ARHGAP15: variants seen among roughly 807,000 people sequenced by gnomAD.
ARHGAP15 encodes the protein Rho GTPase activating protein 15.
In ARHGAP15, 51 loss-of-function variants were observed where a neutral mutation model predicts 63.7. That is an observed-to-expected ratio of 0.80 (90% CI 0.64 to 1.01). The LOEUF (loss-of-function observed/expected upper bound fraction) is 1.01. Ranked by LOEUF, ARHGAP15 falls within the 50% of genes least tolerant of loss-of-function variation. ARHGAP15 has a pLI of 0.00. For missense variants in ARHGAP15, 560 were observed against 564.6 expected, an observed-to-expected ratio of 0.99 and a Z score of 0.08; for synonymous variants, 191 against 193.8, an observed-to-expected ratio of 0.99 and a Z score of 0.12.
intron 11 of ARHGAP15, among the ~76,000 whole-genome samples, chr2:143,576,286 G>T (rs541166376): frequency 1.3e-5 from 2 of 152,124 alleles, no homozygotes; most frequent in South Asian, 4.2e-4. Context: ...ATTGGCTGAG[G>T]CAGGAAAGAC....
intron 6 of ARHGAP15, among the ~76,000 whole-genome samples, chr2:143,408,175 G>A (rs1013420278): frequency 5.4e-5 from 8 of 149,094 alleles, no homozygotes; most frequent in African/African-American, 2.0e-4. Flanking sequence ...TATTTAATCT[G>A]AAGAAAGTTG....
At chr2:143,619,283 A>T (rs1213730904) in intron 11 of ARHGAP15, among the ~76,000 whole-genome samples, 1 of 152,190 alleles carries the variant, frequency 6.6e-6, no homozygotes, top group Non-Finnish European at 1.5e-5. Flanking sequence ...TGATATAAAT[A>T]AGTTTTTACT....
At chr2:143,563,056 TG>T (rs1696092492) in intron 11 of ARHGAP15, among the ~76,000 whole-genome samples, 1 of 152,212 alleles carries the variant, frequency 6.6e-6, no homozygotes, top group Non-Finnish European at 1.5e-5. Context: ...AGGCATCTAA[TG>T]GGGAAAAGCA....
chr2:143,755,056 T>G (rs917436802), intron 13 of ARHGAP15, among the ~76,000 whole-genome samples: 5 of 152,174 alleles, frequency 3.3e-5, no homozygotes, highest in African/African-American at 1.2e-4. Context: ...TATCTCATCT[T>G]ATCCCCAGAT....
intron 1 of ARHGAP15, among the ~76,000 whole-genome samples, chr2:143,146,470 G>A (rs2104996174): frequency 6.6e-6 from 1 of 152,086 alleles, no homozygotes; most frequent in African/African-American, 2.4e-5. Context: ...GCTTTAGTGG[G>A]GTGAGGTGGG....
chr2:143,617,902 G>A (rs1285432379), intron 11 of ARHGAP15, among the ~76,000 whole-genome samples: 2 of 152,282 alleles, frequency 1.3e-5, no homozygotes, highest in Non-Finnish European at 2.9e-5. Flanking sequence ...AAAACACAAG[G>A]CCCAGTATGT....
chr2:143,738,045 T>C (rs1280746191), intron 13 of ARHGAP15, among the ~76,000 whole-genome samples: 4 of 152,132 alleles, frequency 2.6e-5, no homozygotes, highest in African/African-American at 9.7e-5. Flanking sequence ...GTTTACTGCA[T>C]TGCAATCCTC....
intron 11 of ARHGAP15, among the ~76,000 whole-genome samples, chr2:143,618,610 A>G (rs1191320256): frequency 6.6e-6 from 1 of 152,240 alleles, no homozygotes; most frequent in Non-Finnish European, 1.5e-5. Context: ...TATGAAAACT[A>G]TTACAAGGTA....
At chr2:143,677,927 G>A (rs914823746) in intron 12 of ARHGAP15, among the ~76,000 whole-genome samples, 11 of 152,188 alleles carry the variant, frequency 7.2e-5, no homozygotes, top group Non-Finnish European at 1.5e-4. Context: ...TCCAAAAGAG[G>A]TCAGGTGCGG....
intron 5 of ARHGAP15, among the ~76,000 whole-genome samples, chr2:143,231,918 T>G (rs1020228679): frequency 1.3e-5 from 2 of 152,198 alleles, no homozygotes; most frequent in Non-Finnish European, 2.9e-5. Flanking sequence ...CTAATCCCAT[T>G]CATGAGGGCT....
intron 12 of ARHGAP15, among the ~76,000 whole-genome samples, chr2:143,625,271 C>T (rs1698792062): frequency 6.6e-6 from 1 of 152,030 alleles, no homozygotes; most frequent in Non-Finnish European, 1.5e-5. Flanking sequence ...TGAAGTGTTC[C>T]CATTAGCACA....
chr2:143,244,278 A>G (rs981416206), intron 5 of ARHGAP15, among the ~76,000 whole-genome samples: 32 of 105,306 alleles, frequency 3.0e-4, no homozygotes, highest in African/African-American at 1.0e-3. Context: ...TAGCTAGGGG[A>G]AAAAAAACAC....
chr2:143,537,710 A>T (rs1199439869), intron 10 of ARHGAP15, among the ~76,000 whole-genome samples: 1 of 152,128 alleles, frequency 6.6e-6, no homozygotes, highest in African/African-American at 2.4e-5. Context: ...ATTATTTCTG[A>T]GGGCTCTGTT....
chr2:143,298,001 T>C (rs1443691792), intron 6 of ARHGAP15, among the ~76,000 whole-genome samples: 1 of 152,036 alleles, frequency 6.6e-6, no homozygotes, highest in Non-Finnish European at 1.5e-5. Flanking sequence ...TATGTCATTT[T>C]GTAGACTTAT....
In ARHGAP15 at chr2:143,244,477, T is replaced by C. The variant is rs186083601; in HGVS notation, c.385-6034T>C. Among the ~76,000 whole-genome samples, 40 of 152,222 alleles carry C rather than the reference T, an allele frequency of 2.6e-4. No individual in the cohort carries two copies. The East Asian group carries it at 5.4e-3, about 21-fold the overall frequency. On this transcript the variant is annotated intron_variant, in intron 5 of 13. Transcript: ENST00000295095. ...GCAGATGGTAGGCAAGCAGGGTAGATTGAAGAGAGAGATAAATGTATTTCA... is the reference window on the plus strand; with the variant it reads ...GCAGATGGTAGGCAAGCAGGGTAGACTGAAGAGAGAGATAAATGTATTTCA...
intron 6 of ARHGAP15, among the ~76,000 whole-genome samples, chr2:143,399,034 T>A (rs898646630): frequency 6.6e-6 from 1 of 152,066 alleles, no homozygotes; most frequent in African/African-American, 2.4e-5. Flanking sequence ...AGATCCCAAC[T>A]GTAGTGTTTT....
intron 6 of ARHGAP15, among the ~76,000 whole-genome samples, chr2:143,310,878 A>G (rs1291501040): frequency 6.6e-6 from 1 of 152,036 alleles, no homozygotes; most frequent in East Asian, 1.9e-4. Flanking sequence ...GAATTTTGGA[A>G]CTATTTCATT....
At chr2:143,401,234 GAAAT>G (rs1369771918) in intron 6 of ARHGAP15, among the ~76,000 whole-genome samples, 2 of 152,068 alleles carry the variant, frequency 1.3e-5, no homozygotes, top group African/African-American at 4.8e-5. Flanking sequence ...AATGGAGGTA[GAAAT>G]AAATATTTAT....
chr2:143,184,632 T>TAA (rs201887617), intron 2 of ARHGAP15, among the ~76,000 whole-genome samples: 4 of 146,476 alleles, frequency 2.7e-5, no homozygotes, highest in African/African-American at 9.9e-5. Context: ...TGGAGGTAGG[T>TAA]AAAAAAAAAA....
Sources: gnomAD v4.1 joint callset for allele counts (sites outside exome capture counted in the v4.1 genomes callset) on GRCh38, gnomAD v4.1.1 for gene constraint, MANE v1.5 for transcripts, NCBI Gene and HGNC (gene_info 2026-07-23, HGNC 2026-07-21) for gene names.